SFMBT2: variants seen among roughly 807,000 people sequenced by gnomAD.
SFMBT2 encodes the protein Scm like with four mbt domains 2, also known as scm-like with four MBT domains protein 2.
SFMBT2 carries 38 observed loss-of-function variants against 110.1 expected under a neutral mutation model. That is an observed-to-expected ratio of 0.35 (90% CI 0.27 to 0.45). The LOEUF is 0.45. Ranked by LOEUF, SFMBT2 falls within the 20% of genes least tolerant of loss-of-function variation. The pLI, the probability that SFMBT2 is intolerant of heterozygous loss-of-function variation, is 1.00. For missense variants in SFMBT2, 1,011 were observed against 1,094.9 expected, an observed-to-expected ratio of 0.92 and a Z score of 1.08; for synonymous variants, 425 against 425.4, an observed-to-expected ratio of 1.00 and a Z score of 0.01.
At chr10:7,407,743 CGGTCTCCCA>C (rs1333034402) in intron 1 of SFMBT2, among the ~76,000 whole-genome samples, 2 of 152,196 alleles carry the variant, frequency 1.3e-5, no homozygotes, top group African/African-American at 4.8e-5. Flanking sequence ...AGTTTGAGAA[CGGTCTCCCA>C]GGCTTTCCAG....
At chr10:7,197,044 T>C (rs904692097) in intron 15 of SFMBT2, among the ~76,000 whole-genome samples, 1 of 151,960 alleles carries the variant, frequency 6.6e-6, no homozygotes, top group African/African-American at 2.4e-5. Flanking sequence ...ACCATTGAAA[T>C]ACTTACCATT....
At position 7,170,850 on chromosome 10, in the gene SFMBT2, A is replaced by C; in HGVS notation, c.2544+78T>G. 50 of 1,523,782 alleles carry C rather than the reference A, an allele frequency of 3.3e-5. No homozygotes were observed. Among genetic ancestry groups the C allele is most frequent in the East Asian group, 4.6e-5 (2 of 43,252 alleles). 94.4% of individuals were successfully genotyped at this position (1,523,782 alleles called of 1,614,324 possible). A position where few individuals can be genotyped will look rare whatever the true frequency, so the allele number is the denominator to read the frequency against. On this transcript the variant is annotated intron_variant, in intron 20 of 20. Transcript: ENST00000397167. This position sits in a 1 kb window ranked among gnomAD's most constrained non-coding sequence, Gnocchi z 4.6. ...AACCCCCTCGCAGGTGTCACGAGGA[A>C]GCCGGCTAGGACACGAGGTTCATTT... is the stretch of plus-strand genomic sequence containing the variant.
intron 9 of SFMBT2, among the ~76,000 whole-genome samples, chr10:7,229,579 A>G (rs1840049849): frequency 7.3e-6 from 1 of 137,084 alleles, no homozygotes; most frequent in Non-Finnish European, 1.6e-5. Flanking sequence ...TGGGTGACAG[A>G]GCAAGACTCC....
In SFMBT2 at chr10:7,381,961, CAAAA is replaced by C; in HGVS notation, c.-51-16_-51-13del. 2.9e-6 allele frequency: 3 copies of C among 1,030,296 alleles called. No homozygotes were observed. The highest frequency in any genetic ancestry group is 2.3e-5 in the South Asian group (1 of 42,998). The allele number at this position is 1,030,296 out of a possible 1,614,324, so 63.8% of individuals were successfully genotyped here. A position where few individuals can be genotyped will look rare whatever the true frequency, so the allele number is the denominator to read the frequency against. On this transcript the variant is annotated splice_polypyrimidine_tract_variant and intron_variant, in intron 1 of 20. Coordinates refer to ENST00000397167, the MANE Select transcript of SFMBT2 (RefSeq NM_001387889.1). ...GCAGAAAAAATTACCTAAGAGCAATCAAAAAAAAAAAAATCAGAGCAGTTTAATC... is the reference window on the plus strand; with the variant it reads ...GCAGAAAAAATTACCTAAGAGCAATCAAAAAAAAATCAGAGCAGTTTAATC...
intron 16 of SFMBT2, among the ~76,000 whole-genome samples, chr10:7,180,009 G>A (rs1385220890): frequency 6.6e-6 from 1 of 152,226 alleles, no homozygotes; most frequent in African/African-American, 2.4e-5. Context: ...TAAGGATAGG[G>A]CACGGGCTGG....
At chr10:7,352,415 T>C (rs1844352887) in intron 4 of SFMBT2, among the ~76,000 whole-genome samples, 1 of 152,196 alleles carries the variant, frequency 6.6e-6, no homozygotes. Context: ...CTCGACCTCC[T>C]GAGCTCAAGC....
intron 11 of SFMBT2, 75 bp from the exon 12 acceptor site, chr10:7,206,003 G>C: frequency 6.3e-7 from 1 of 1,578,614 alleles, no homozygotes; most frequent in East Asian, 2.3e-5. Flanking sequence ...AACAATAATA[G>C]AGCATCCCTA....
Position 7,162,585 on chromosome 10 carries a change from C to T in SFMBT2, c.*1185G>A, listed in dbSNP as rs1837577589. 1 of 152,192 alleles carries T rather than the reference C, an allele frequency of 6.6e-6. No homozygotes were observed. The highest frequency in any genetic ancestry group is 2.4e-5 in the African/African-American group (1 of 41,426). 9.4% of individuals were successfully genotyped at this position (152,192 alleles called of 1,614,324 possible). A position where few individuals can be genotyped will look rare whatever the true frequency, so the allele number is the denominator to read the frequency against. ...TGCTCGGTGACCTGCTGCAGTGATC[C>T]TTCTAAGGGGGACGTAGCTGGTTGA... On this transcript the variant is annotated 3_prime_UTR_variant, in exon 21 of 21. Transcript: ENST00000397167.
intron 4 of SFMBT2, among the ~76,000 whole-genome samples, chr10:7,324,300 A>T (rs560606266): frequency 6.6e-6 from 1 of 152,254 alleles, no homozygotes; most frequent in South Asian, 2.1e-4. Context: ...TCTCCACCGC[A>T]TATTCAGCTT....
chr10:7,370,833 T>A (rs1291010485), intron 2 of SFMBT2: 4 of 979,608 alleles, frequency 4.1e-6, no homozygotes, highest in East Asian at 1.1e-4. Flanking sequence ...GACTCTGGCA[T>A]CATTTTAAGG....
At chr10:7,335,301 T>C (rs1843684332) in intron 4 of SFMBT2, among the ~76,000 whole-genome samples, 1 of 152,170 alleles carries the variant, frequency 6.6e-6, no homozygotes, top group African/African-American at 2.4e-5. Context: ...GTATGTTATG[T>C]CTATTTGACA....
rs41306802 is a variant in SFMBT2 at position 7,202,472 on chromosome 10, G to A, written c.1487+8C>T. 7.1e-3 allele frequency: 11,471 copies of A among 1,614,120 alleles called. 76 individuals are homozygous for A. The highest frequency in any genetic ancestry group is 0.017 in the Admixed American group (1,050 of 60,022). The stretch of plus-strand genomic sequence containing the variant: ...ACAGTGTAGTCTGGAGGGGAAAAAA[G>A]CACGTACTGTTTCTCTGGTTGCACG... On this transcript the variant is annotated splice_region_variant and intron_variant, in intron 13 of 20. Transcript: ENST00000397167.
In SFMBT2 at chr10:7,170,816, G is replaced by T; in HGVS notation, c.2544+112C>A. The T allele has an allele frequency of 7.6e-7, 1 of 1,315,116 alleles. No homozygotes were observed. Among genetic ancestry groups the T allele is most frequent in the Non-Finnish European group, 1.1e-6 (1 of 941,492 alleles). 81.5% of individuals were successfully genotyped at this position (1,315,116 alleles called of 1,614,324 possible). A position where few individuals can be genotyped will look rare whatever the true frequency, so the allele number is the denominator to read the frequency against. ...AAGGGTCTCGCACACCTGCCGAGCA[G>T]CGCCGAAGAACCCCCTCGCAGGTGT... On this transcript the variant is annotated intron_variant, in intron 20 of 20. Coordinates refer to ENST00000397167, the MANE Select transcript of SFMBT2 (RefSeq NM_001387889.1). The surrounding 1 kb of genome is among the most constrained non-coding windows in gnomAD (Gnocchi z 4.6).
intron 6 of SFMBT2, 28 bp from the exon 7 acceptor site, chr10:7,277,017 T>C (rs1206757494): frequency 2.3e-6 from 2 of 853,036 alleles, no homozygotes; most frequent in Non-Finnish European, 4.1e-6. Context: ...CACAGAAGAG[T>C]TGAAGGACTA....
chr10:7,341,799 T>C (rs562233465), intron 4 of SFMBT2, among the ~76,000 whole-genome samples: 2 of 152,370 alleles, frequency 1.3e-5, no homozygotes, highest in Admixed American at 6.5e-5. Flanking sequence ...AAGGATGGCT[T>C]TGAACAGCTC....
At position 7,376,551 on chromosome 10, in the gene SFMBT2, T is replaced by A. The variant is rs140469154; in HGVS notation, c.100+5248A>T. Among the ~76,000 whole-genome samples, 436 of 149,096 alleles carry A rather than the reference T, an allele frequency of 2.9e-3. 2 individuals are homozygous for A. The highest frequency in any genetic ancestry group is 0.01 in the African/African-American group (416 of 40,404). ...CGTCTCTACTAAAAACACAAAAAAT[T>A]AGCCAGGCGTGGTGGTGGGCACCTG... On this transcript the variant is annotated intron_variant, in intron 2 of 20. Transcript: ENST00000397167.
At chr10:7,260,087 C>T (rs972871735) in intron 7 of SFMBT2, among the ~76,000 whole-genome samples, 1 of 152,166 alleles carries the variant, frequency 6.6e-6, no homozygotes, top group African/African-American at 2.4e-5. Flanking sequence ...AACAATAACT[C>T]AAGTACTCCT....
At chr10:7,211,938 C>G (rs562295774) in intron 11 of SFMBT2, among the ~76,000 whole-genome samples, 12 of 152,276 alleles carry the variant, frequency 7.9e-5, no homozygotes, top group Admixed American at 6.5e-4. Flanking sequence ...CACAGCTGGT[C>G]CCCTAAACAT....
chr10:7,376,340 G>C (rs950771008), intron 2 of SFMBT2, among the ~76,000 whole-genome samples: 2 of 152,066 alleles, frequency 1.3e-5, no homozygotes, highest in Non-Finnish European at 2.9e-5. Flanking sequence ...CTGGGAGAAA[G>C]AGTAATTTTA....
Sources: gnomAD v4.1 joint callset for allele counts (sites outside exome capture counted in the v4.1 genomes callset) on GRCh38, gnomAD v4.1.1 for gene constraint, Gnocchi (gnomAD v3.1) non-coding constraint, MANE v1.5 for transcripts, NCBI Gene and HGNC (gene_info 2026-07-23, HGNC 2026-07-21) for gene names.